Variants in AUTS2 observed in about 807,000 individuals in gnomAD.
AUTS2 encodes activator of transcription and developmental regulator AUTS2, also known as autism susceptibility gene 2 protein.
AUTS2 carries 17 observed loss-of-function variants against 112.4 expected under a neutral mutation model. The ratio of observed to expected loss-of-function variants is 0.15; its 90% CI spans 0.10 to 0.23. The LOEUF is 0.23. Ranked by LOEUF, AUTS2 falls within the 10% of genes least tolerant of loss-of-function variation. AUTS2 has a pLI of 1.00. For missense variants in AUTS2, 1,510 were observed against 1,701.6 expected, an observed-to-expected ratio of 0.89 and a Z score of 1.98; for synonymous variants, 751 against 702.7, an observed-to-expected ratio of 1.07 and a Z score of -1.09.
intron 4 of AUTS2, among the ~76,000 whole-genome samples, chr7:70,152,475 A>G (rs1006728034): frequency 2.6e-5 from 4 of 152,012 alleles, no homozygotes; most frequent in Non-Finnish European, 5.9e-5. Context: ...CAACATCCTT[A>G]AAAGTACTAG....
At chr7:69,979,680 G>A (rs1798213477) in intron 2 of AUTS2, among the ~76,000 whole-genome samples, 1 of 152,172 alleles carries the variant, frequency 6.6e-6, no homozygotes, top group South Asian at 2.1e-4. Flanking sequence ...ATATGGAAGA[G>A]TATGCAGTGC....
intron 4 of AUTS2, among the ~76,000 whole-genome samples, chr7:70,212,524 T>C (rs913744676): frequency 6.6e-6 from 1 of 152,202 alleles, no homozygotes; most frequent in South Asian, 2.1e-4. Context: ...TCAAATTAAA[T>C]TCCTAAAAAA....
chr7:70,589,683 T>C (rs35814828), intron 5 of AUTS2, among the ~76,000 whole-genome samples: 17,672 of 152,170 alleles, frequency 0.12, 1,947 homozygotes, highest in African/African-American at 0.29. Flanking sequence ...CACTGCACTC[T>C]AGCCTGGGTG....
intron 2 of AUTS2, among the ~76,000 whole-genome samples, chr7:69,926,450 T>C: frequency 2.1e-5 from 1 of 48,350 alleles, no homozygotes. Context: ...TGTCTGTCTA[T>C]CTATCTATCT....
chr7:69,857,390 T>C lies in AUTS2; in HGVS notation c.310-41896T>C, dbSNP rs367759566. Among the ~76,000 whole-genome samples the C allele has an allele frequency of 1.4e-4, 21 of 152,310 alleles. No individual in the cohort carries two copies. In the East Asian group the frequency reaches 4.1e-3, roughly 29 times the overall value. Reference sequence around the variant, plus strand: ...TGCAGCAGAATCACAAGGAGCCGTCTTTGCTGTGTAAATTCTCCCTCAAAG... The same window carrying C: ...TGCAGCAGAATCACAAGGAGCCGTCCTTGCTGTGTAAATTCTCCCTCAAAG... On this transcript the variant is annotated intron_variant, in intron 1 of 18. Transcript: ENST00000342771.
intron 4 of AUTS2, among the ~76,000 whole-genome samples, chr7:70,239,285 T>C (rs1354250799): frequency 6.6e-6 from 1 of 152,150 alleles, no homozygotes; most frequent in East Asian, 1.9e-4. Context: ...TACTACCTAC[T>C]CTGGCCCATC....
intron 1 of AUTS2, among the ~76,000 whole-genome samples, chr7:69,748,851 A>G (rs936028023): frequency 2.6e-5 from 4 of 152,134 alleles, no homozygotes; most frequent in African/African-American, 9.7e-5. Context: ...GCTCTTGTCA[A>G]GTTTAGTTTC....
At chr7:70,049,971 G>A (rs914349457) in intron 2 of AUTS2, among the ~76,000 whole-genome samples, 5 of 152,118 alleles carry the variant, frequency 3.3e-5, no homozygotes, top group Admixed American at 2.0e-4. Context: ...AGATAATTTA[G>A]CTTGCTGCAA....
intron 5 of AUTS2, among the ~76,000 whole-genome samples, chr7:70,696,374 C>A (rs913097980): frequency 6.6e-6 from 1 of 152,096 alleles, no homozygotes; most frequent in African/African-American, 2.4e-5. Flanking sequence ...TCTGGGGAGG[C>A]CTTTCTGAGA....
intron 5 of AUTS2, among the ~76,000 whole-genome samples, chr7:70,497,004 T>C (rs1279411665): frequency 2.4e-5 from 2 of 82,266 alleles, no homozygotes; most frequent in Admixed American, 1.3e-4. Context: ...ACACACCACG[T>C]ACACAGTCAG....
At chr7:69,607,122 G>C (rs1666919874) in intron 1 of AUTS2, among the ~76,000 whole-genome samples, 1 of 152,170 alleles carries the variant, frequency 6.6e-6, no homozygotes, top group Admixed American at 6.5e-5. Context: ...TGCTTGTTTA[G>C]GAAGAAACTA....
chr7:69,891,774 CTTTTTTTTTTTTTTTTT>C (rs763424098), intron 1 of AUTS2, among the ~76,000 whole-genome samples: 270 of 26,700 alleles, frequency 0.01, no homozygotes, highest in Middle Eastern at 0.059. Context: ...AGACAGATAT[CTTTTTTTTTTTTTTTTT>C]TTTTTTTTTT....
chr7:70,674,064 C>G (rs938340172), intron 5 of AUTS2, among the ~76,000 whole-genome samples: 6 of 152,184 alleles, frequency 3.9e-5, no homozygotes, highest in African/African-American at 1.4e-4. Context: ...AGCACATGCT[C>G]TTCCCACTGG....
chr7:70,486,911 A>AG (rs34171597), intron 5 of AUTS2, among the ~76,000 whole-genome samples: 20,152 of 135,178 alleles, frequency 0.15, 1,620 homozygotes, highest in South Asian at 0.23. Flanking sequence ...CCCCCCCCAA[A>AG]AAAAAAGAAG....
At chr7:69,901,968 G>C (rs778759784) in intron 2 of AUTS2, among the ~76,000 whole-genome samples, 1 of 152,190 alleles carries the variant, frequency 6.6e-6, no homozygotes, top group Non-Finnish European at 1.5e-5. Context: ...CACAAATACA[G>C]TGTTGTAAAG....
chr7:70,369,466 T>G (rs1220520051), intron 4 of AUTS2, among the ~76,000 whole-genome samples: 1 of 152,028 alleles, frequency 6.6e-6, no homozygotes, highest in African/African-American at 2.4e-5. Flanking sequence ...AACCGAGGCC[T>G]TGAAGAATAG....
At chr7:70,428,570 G>A (rs1795525663) in intron 4 of AUTS2, among the ~76,000 whole-genome samples, 1 of 152,150 alleles carries the variant, frequency 6.6e-6, no homozygotes, top group Non-Finnish European at 1.5e-5. Context: ...GTTAGATATT[G>A]TAGTTTACAA....
At chr7:69,953,704 T>A (rs1486577756) in intron 2 of AUTS2, among the ~76,000 whole-genome samples, 2 of 152,154 alleles carry the variant, frequency 1.3e-5, no homozygotes, top group Non-Finnish European at 2.9e-5. Context: ...TAGAAATTCT[T>A]TTTTTGTAGA....
intron 1 of AUTS2, among the ~76,000 whole-genome samples, chr7:69,765,318 G>A (rs1788372069): frequency 6.6e-6 from 1 of 152,186 alleles, no homozygotes; most frequent in Admixed American, 6.5e-5. Context: ...TACCTAGTGA[G>A]CATCTTGGAT....
Sources: allele counts gnomAD v4.1 joint callset (sites outside exome capture counted in the v4.1 genomes callset), GRCh38; gene constraint gnomAD v4.1.1; transcripts MANE v1.5; gene names NCBI Gene and HGNC (gene_info 2026-07-23, HGNC 2026-07-21).